Variants in INTS8 observed in about 807,000 individuals in gnomAD.
INTS8 encodes the protein protein kaonashi-1.
A neutral mutation model predicts 138.9 loss-of-function variants in INTS8; 47 were observed. The ratio of observed to expected loss-of-function variants is 0.34; its 90% confidence interval spans 0.27 to 0.43. INTS8 has a LOEUF of 0.43. Ranked by LOEUF, INTS8 falls within the 20% of genes least tolerant of loss-of-function variation. INTS8 has a pLI of 1.00. For synonymous variants in INTS8, 392 were observed against 400.9 expected, an observed-to-expected ratio of 0.98 and a Z score of 0.27; for missense variants, 996 against 1,173.0, an observed-to-expected ratio of 0.85 and a Z score of 2.20.
At chr8:94,836,929 ATAT>A (rs1432993693) in intron 7 of INTS8, among the ~76,000 whole-genome samples, 1 of 152,060 alleles carries the variant, frequency 6.6e-6, no homozygotes, top group Admixed American at 6.6e-5. Context: ...TAAATGTATC[ATAT>A]TATGTGGAAG....
chr8:94,827,255 T>G lies in INTS8; in HGVS notation c.306-8T>G, dbSNP rs370688322. On this transcript the variant is annotated splice_region_variant and splice_polypyrimidine_tract_variant and intron_variant, in intron 2 of 26. Transcript: ENST00000523731. ...AATGTGCAAACATGTACGTTTTGCT[T>G]CTTCAAGTTTGTCTGTTCCAGTATT... The G allele has an allele frequency of 1.6e-5, 26 of 1,611,850 alleles. No individual in the cohort carries two copies. The highest frequency in any genetic ancestry group is 1.6e-4 in the Middle Eastern group (1 of 6,084).
chr8:94,866,961 C>T lies in INTS8; in HGVS notation c.2296-179C>T, dbSNP rs544983185. On this transcript the variant is annotated intron_variant, in intron 18 of 26. Coordinates refer to ENST00000523731, the MANE Select transcript of INTS8 (RefSeq NM_017864.4). ...AAATTATGTGCTATGGTCCACGCCC[C>T]GCCCCCACATGCGATTAAAAAGTTG... is the stretch of plus-strand genomic sequence containing the variant. The T allele has an allele frequency of 1.1e-3, 594 of 556,170 alleles. 1 individual carries two copies. Among genetic ancestry groups the T allele is most frequent in the Admixed American group, 2.0e-3 (57 of 27,858 alleles). The allele number at this position is 556,170 out of a possible 1,614,324, so 34.5% of individuals were successfully genotyped here.
At chr8:94,862,678 T>G (rs1816035567) in intron 16 of INTS8, among the ~76,000 whole-genome samples, 2 of 152,350 alleles carry the variant, frequency 1.3e-5, no homozygotes, top group Admixed American at 1.3e-4. Context: ...TCTCTTCATA[T>G]GTCATCTGGT....
At chr8:94,871,499 A>T (rs1169118199) in intron 20 of INTS8, among the ~76,000 whole-genome samples, 1 of 152,068 alleles carries the variant, frequency 6.6e-6, no homozygotes, top group African/African-American at 2.4e-5. Context: ...AATGATAATA[A>T]TAATTTGGGG....
At chr8:94,850,806 T>G (rs73271137) in intron 12 of INTS8, among the ~76,000 whole-genome samples, 3,837 of 152,182 alleles carry the variant, frequency 0.025, 168 homozygotes, top group African/African-American at 0.088. Flanking sequence ...AGCTTGGCAG[T>G]ATTGCTGTTT....
chr8:94,874,759 T>A (rs1816516085), intron 23 of INTS8, among the ~76,000 whole-genome samples, 157 bp downstream of exon 23: 1 of 152,184 alleles, frequency 6.6e-6, no homozygotes, highest in Non-Finnish European at 1.5e-5. Context: ...TTTTAAATAG[T>A]TTATAGAATG....
chr8:94,835,665 T>C (rs947079470), intron 6 of INTS8, among the ~76,000 whole-genome samples: 3 of 151,880 alleles, frequency 2.0e-5, no homozygotes, highest in African/African-American at 7.3e-5. Context: ...AGTGGTGCAA[T>C]CTTGGCTCAC....
chr8:94,863,999 A>G (rs1223740290), intron 16 of INTS8, among the ~76,000 whole-genome samples: 1 of 152,140 alleles, frequency 6.6e-6, no homozygotes, highest in African/African-American at 2.4e-5. Flanking sequence ...ATGATCACAG[A>G]GTTGTGGTTA....
At chr8:94,877,000 TCTTA>T (rs1043126236) in intron 26 of INTS8, among the ~76,000 whole-genome samples, 7 of 152,214 alleles carry the variant, frequency 4.6e-5, no homozygotes, top group Non-Finnish European at 7.3e-5. Flanking sequence ...CCTCCAGTAC[TCTTA>T]CTCTCATTTC....
chr8:94,829,193 G>A (rs1814621397), intron 5 of INTS8, among the ~76,000 whole-genome samples, 167 bp downstream of exon 5: 1 of 151,900 alleles, frequency 6.6e-6, no homozygotes, highest in African/African-American at 2.4e-5. Context: ...ATTCAAGCAC[G>A]TTACATTTAT....
intron 2 of INTS8, among the ~76,000 whole-genome samples, chr8:94,826,931 C>T (rs1034621132): frequency 2.0e-5 from 3 of 151,946 alleles, no homozygotes; most frequent in African/African-American, 7.3e-5. Flanking sequence ...TGGTGAAACC[C>T]CGTCTCTACT....
chr8:94,855,387 T>TA (rs1187089928), intron 14 of INTS8, among the ~76,000 whole-genome samples: 2 of 151,830 alleles, frequency 1.3e-5, no homozygotes, highest in Non-Finnish European at 1.5e-5. Context: ...ATTTTATACT[T>TA]ATAGAATCTC....
At chr8:94,867,763 A>T (rs1411541720) in intron 20 of INTS8, 1 of 156,338 alleles carries the variant, frequency 6.4e-6, no homozygotes, top group Non-Finnish European at 1.4e-5. Flanking sequence ...ACCTCAAGTG[A>T]TCTGCCCACC....
In INTS8 at chr8:94,856,932, C is replaced by T. The variant is rs779300857; in HGVS notation, c.1908C>T (p.Ser636=). The change falls in exon 15 of 27, where the codon TCC becomes TCT. Residue 636 remains serine, a synonymous_variant. Transcript: ENST00000523731. The part of the protein sequence containing the change: ...GTGQAGERPP[S]DLISRVRGYL... ...GGCAGGCAGGAGAGAGACCGCCATC[C>T]GACCTTATAAGTAGAGTACGAGGCT... 1.4e-5 allele frequency: 22 copies of T among 1,613,984 alleles called. No individual in the cohort carries two copies. Among genetic ancestry groups the T allele is most frequent in the African/African-American group, 1.2e-4 (9 of 74,878 alleles).
At chr8:94,848,711 A>C (rs1413291769) in intron 10 of INTS8, among the ~76,000 whole-genome samples, 1 of 152,172 alleles carries the variant, frequency 6.6e-6, no homozygotes, top group Non-Finnish European at 1.5e-5. Flanking sequence ...TTTATTCATC[A>C]GTTGGTAGAC....
Position 94,832,001 on chromosome 8 carries a change from C to G in INTS8, c.580C>G (p.Gln194Glu), listed in dbSNP as rs1204441911. Residue 194 changes from glutamine to glutamate, a missense_variant, in exon 6 of 27, where the codon CAA becomes GAA. Gln to Glu is a conservative substitution (Grantham distance 29, BLOSUM62 2). Coordinates refer to ENST00000523731, the MANE Select transcript of INTS8 (RefSeq NM_017864.4). The stretch of plus-strand genomic sequence containing the variant: ...TTATTGATTTCTGTAGCTCAAAGAA[C>G]AAGCTGCTGATTCTATTTTGGTACT... ...TENILKVLKE[Q>E]AADSILVLEA... 1.3e-6 allele frequency: 2 copies of G among 1,592,076 alleles called. No individual in the cohort carries two copies. Among genetic ancestry groups the G allele is most frequent in the African/African-American group, 2.7e-5 (2 of 73,708 alleles).
chr8:94,863,852 G>A (rs1816081915), intron 16 of INTS8, among the ~76,000 whole-genome samples: 1 of 152,208 alleles, frequency 6.6e-6, no homozygotes, highest in African/African-American at 2.4e-5. Context: ...TCAGAGAAGA[G>A]TATTTTAGGT....
chr8:94,852,777 C>T (rs548789694), intron 13 of INTS8, among the ~76,000 whole-genome samples: 6 of 151,944 alleles, frequency 3.9e-5, no homozygotes, highest in East Asian at 3.9e-4. Context: ...TTAGTAGATA[C>T]GGGTTTCTCC....
intron 6 of INTS8, 39 bp downstream of exon 6, chr8:94,832,213 T>G (rs1338826499): frequency 6.6e-7 from 1 of 1,513,650 alleles, no homozygotes; most frequent in Non-Finnish European, 9.0e-7. Flanking sequence ...GGCAATTTTT[T>G]GGAAAATCTT....
Sources: allele counts gnomAD v4.1 joint callset (sites outside exome capture counted in the v4.1 genomes callset), GRCh38; gene constraint gnomAD v4.1.1; transcripts MANE v1.5; gene names NCBI Gene and HGNC (gene_info 2026-07-23, HGNC 2026-07-21).